MTERF4: variants seen among roughly 807,000 people sequenced by gnomAD.
The protein encoded by MTERF4 is mitochondrial transcription termination factor 4.
MTERF4 carries 17 observed loss-of-function variants against 22.5 expected under a neutral mutation model. That is an observed-to-expected ratio of 0.75 (90% CI 0.52 to 1.13). The LOEUF is 1.13. Ranked by LOEUF, MTERF4 falls within the 50% of genes most tolerant of loss-of-function variation. The probability of loss-of-function intolerance (pLI) is 0.00; values close to 1 mark genes in which losing one functional copy is unlikely to be tolerated. For synonymous variants in MTERF4, 165 were observed against 175.3 expected (o/e 0.94, Z 0.47); for missense variants, 420 against 466.8 (o/e 0.90, Z 0.92).
the MTERF4 span, among the ~76,000 whole-genome samples, chr2:241,059,923 G>T: frequency 6.6e-6 from 1 of 151,966 alleles, no homozygotes; most frequent in African/African-American, 2.4e-5. Context: ...GACAAGAAAA[G>T]GAAATAAAAG....
Position 241,095,987 on chromosome 2 carries a change from T to C in MTERF4, c.*11A>G. On this transcript the variant is annotated 3_prime_UTR_variant, in exon 4 of 4. Coordinates refer to ENST00000391980, the MANE Select transcript of MTERF4 (RefSeq NM_182501.4). ...TCTCTGGGCCCTTTCGCTCTAGTCC[T>C]TCCATCACAGCTATTCCTCCTCGTC... 1 of 1,612,954 alleles carries C rather than the reference T, an allele frequency of 6.2e-7. No homozygotes were observed. Among genetic ancestry groups the C allele is most frequent in the Non-Finnish European group, 8.5e-7 (1 of 1,179,084 alleles).
downstream of MTERF4, chr2:241,070,011 G>T (rs2062630635): frequency 4.3e-6 from 7 of 1,613,030 alleles, no homozygotes; most frequent in Non-Finnish European, 5.9e-6. Flanking sequence ...GCAGCTTGCT[G>T]GAGGCTTATG....
the MTERF4 span, among the ~76,000 whole-genome samples, chr2:241,067,126 G>A: frequency 6.6e-6 from 1 of 152,212 alleles, no homozygotes; most frequent in Admixed American, 6.5e-5. Flanking sequence ...AGCCCGCCCT[G>A]CCCGCTGCAG....
exon 5 of MTERF4, chr2:241,074,489 CT>C (rs1321937981): frequency 6.6e-6 from 1 of 152,182 alleles, no homozygotes; most frequent in East Asian, 1.9e-4. Context: ...ATGTCAGCCC[CT>C]TTAAATACCA....
At chr2:241,057,687 A>T in the MTERF4 span, among the ~76,000 whole-genome samples, 2 of 152,030 alleles carry the variant, frequency 1.3e-5, no homozygotes, top group Admixed American at 1.3e-4. Context: ...GTCTCTAAAA[A>T]ATTAAAAATT....
At chr2:241,043,508 TAAAGG>T in the MTERF4 span, among the ~76,000 whole-genome samples, 5 of 151,888 alleles carry the variant, frequency 3.3e-5, no homozygotes, top group African/African-American at 9.7e-5. Context: ...AAAAAAATGT[TAAAGG>T]AAATTATTTA....
the MTERF4 span, chr2:241,063,847 T>G: frequency 1.6e-6 from 1 of 640,046 alleles, no homozygotes; most frequent in Non-Finnish European, 2.6e-6. Flanking sequence ...GAGGGAGGGG[T>G]GGAGGTGAGG....
the MTERF4 span, chr2:241,048,484 G>A: frequency 6.4e-7 from 1 of 1,557,414 alleles, no homozygotes; most frequent in Non-Finnish European, 8.7e-7. Context: ...GCTGGGGCAG[G>A]AGACCCAGGG....
downstream of MTERF4, among the ~76,000 whole-genome samples, chr2:241,067,198 G>C (rs1472416168): frequency 6.6e-6 from 1 of 152,234 alleles, no homozygotes; most frequent in Non-Finnish European, 1.5e-5. Context: ...CCGGGGTGCT[G>C]AGTTGCCGGG....
At chr2:241,048,685 C>A in the MTERF4 span, 1 of 1,611,832 alleles carries the variant, frequency 6.2e-7, no homozygotes. Context: ...CTGTGAGTGC[C>A]GCAACGGAGG....
the MTERF4 span, among the ~76,000 whole-genome samples, chr2:241,055,116 C>CA: frequency 5.1e-3 from 646 of 125,894 alleles, 4 homozygotes; most frequent in African/African-American, 1.0e-2. Context: ...GACTCTGTCT[C>CA]AAAAAAAAAA....
chr2:241,059,480 C>A, the MTERF4 span, among the ~76,000 whole-genome samples: 3 of 152,182 alleles, frequency 2.0e-5, no homozygotes. Context: ...ACAGACACTA[C>A]AAAATTTGAA....
chr2:241,052,855 G>A, the MTERF4 span, among the ~76,000 whole-genome samples: 11 of 149,304 alleles, frequency 7.4e-5, no homozygotes, highest in Non-Finnish European at 1.6e-4. Flanking sequence ...GAGATGGCCG[G>A]GGGGCCGAGC....
At chr2:241,102,215 G>A in intron 1 of MTERF4, 38 bp downstream of exon 1, 1 of 1,547,998 alleles carries the variant, frequency 6.5e-7, no homozygotes, top group Non-Finnish European at 8.7e-7. Context: ...CCGCCCGCCT[G>A]CGACCCGGAG....
At chr2:241,066,208 C>T in the MTERF4 span, among the ~76,000 whole-genome samples, 189 of 152,232 alleles carry the variant, frequency 1.2e-3, no homozygotes, top group African/African-American at 4.3e-3. Context: ...CCTGAGCCAC[C>T]AAGATTGCAG....
downstream of MTERF4, chr2:241,071,940 AC>A: frequency 7.5e-7 from 1 of 1,335,850 alleles, no homozygotes; most frequent in Non-Finnish European, 1.1e-6. Flanking sequence ...TGCCACTCTC[AC>A]CAGGTCCTGT....
chr2:241,075,689 G>C lies in MTERF4; in HGVS notation n.480-7C>G, dbSNP rs1199478533. On this transcript the variant is annotated splice_polypyrimidine_tract_variant and splice_region_variant and intron_variant and non_coding_transcript_variant, in intron 4 of 4. Coordinates refer to the MTERF4 transcript ENST00000464344. This position sits in a 1 kb window ranked among gnomAD's most constrained non-coding sequence, Gnocchi z 4.8. ...CTGTTCTTGGTGGTACTTCCTAATAGAGAAAAGTTCATAATCAAATTTATC... is the reference window on the plus strand; with the variant it reads ...CTGTTCTTGGTGGTACTTCCTAATACAGAAAAGTTCATAATCAAATTTATC... The C allele has an allele frequency of 6.6e-6, 1 of 152,034 alleles. No homozygotes were observed. The highest frequency in any genetic ancestry group is 2.4e-5 in the African/African-American group (1 of 41,376). 9.4% of individuals were successfully genotyped at this position (152,034 alleles called of 1,614,324 possible). A position where few individuals can be genotyped will look rare whatever the true frequency, so the allele number is the denominator to read the frequency against.
downstream of MTERF4, chr2:241,069,843 T>C: frequency 1.3e-6 from 2 of 1,520,418 alleles, no homozygotes; most frequent in Non-Finnish European, 1.8e-6. This position sits in a 1 kb window ranked among gnomAD's most constrained non-coding sequence, Gnocchi z 4.9. Flanking sequence ...GCAGCCCATG[T>C]CCGGTTCTCA....
At chr2:241,059,007 G>T in the MTERF4 span, among the ~76,000 whole-genome samples, 1 of 151,804 alleles carries the variant, frequency 6.6e-6, no homozygotes, top group African/African-American at 2.4e-5. Flanking sequence ...AGGAAAAAAA[G>T]AGAGAAATTA....
Sources: gnomAD v4.1 joint callset for allele counts (sites outside exome capture counted in the v4.1 genomes callset) on GRCh38, gnomAD v4.1.1 for gene constraint, Gnocchi (gnomAD v3.1) non-coding constraint, MANE v1.5 for transcripts, NCBI Gene and HGNC (gene_info 2026-07-23, HGNC 2026-07-21) for gene names.